The following JAKMIP2 variants were observed in gnomAD, a reference collection of about 807,000 sequenced individuals.
JAKMIP2 encodes the protein janus kinase and microtubule interacting protein 2.
In JAKMIP2, 25 loss-of-function variants were observed where a neutral mutation model predicts 115.0. That is an observed-to-expected ratio of 0.22 (90% confidence interval 0.16 to 0.30). The LOEUF is 0.30. Among genes scored for constraint, JAKMIP2 ranks in the 10% least tolerant of loss-of-function variants. The pLI, the probability that JAKMIP2 is intolerant of heterozygous loss-of-function variation, is 1.00. For missense variants in JAKMIP2, 642 were observed against 957.6 expected (o/e 0.67, Z 4.35); for synonymous variants, 334 against 343.6 (o/e 0.97, Z 0.31).
intron 1 of JAKMIP2, among the ~76,000 whole-genome samples, chr5:147,777,506 A>C (rs569221843): frequency 6.6e-6 from 1 of 152,294 alleles, no homozygotes; most frequent in African/African-American, 2.4e-5. Flanking sequence ...TCTAAAAGGA[A>C]ATATTCCAAA....
intron 12 of JAKMIP2, 128 bp from the exon 13 acceptor site, chr5:147,632,906 A>C: frequency 1.7e-6 from 1 of 605,330 alleles, no homozygotes; most frequent in Non-Finnish European, 2.9e-6. Context: ...CCCCAAATAG[A>C]TGTGAATAAA....
At chr5:147,662,057 TG>T (rs1299615031) in intron 2 of JAKMIP2, 2 of 151,286 alleles carry the variant, frequency 1.3e-5, no homozygotes, top group African/African-American at 2.4e-5. Context: ...TTTTTTTTTT[TG>T]AAGAGATGCT....
intron 1 of JAKMIP2, among the ~76,000 whole-genome samples, chr5:147,728,094 G>C (rs569590485): frequency 7.9e-5 from 12 of 152,218 alleles, no homozygotes; most frequent in Non-Finnish European, 1.8e-4. Context: ...CTTTTTAGGG[G>C]TATCAGAAAT....
chr5:147,610,939 G>C (rs1323362302), intron 20 of JAKMIP2, among the ~76,000 whole-genome samples: 2 of 152,196 alleles, frequency 1.3e-5, no homozygotes, highest in East Asian at 3.9e-4. Context: ...GCCCTGTGGT[G>C]GGCTCCACCT....
intron 1 of JAKMIP2, among the ~76,000 whole-genome samples, chr5:147,779,883 C>T (rs1225606920): frequency 6.6e-6 from 1 of 152,058 alleles, no homozygotes; most frequent in East Asian, 1.9e-4. Flanking sequence ...GAATTCATTG[C>T]TTTATCTGAT....
intron 5 of JAKMIP2, among the ~76,000 whole-genome samples, chr5:147,647,020 A>G (rs1758167170): frequency 6.6e-6 from 1 of 152,088 alleles, no homozygotes; most frequent in South Asian, 2.1e-4. Context: ...CTTCAATCAA[A>G]CTGCAACTAA....
intron 1 of JAKMIP2, among the ~76,000 whole-genome samples, chr5:147,754,540 G>T (rs148858474): frequency 6.6e-6 from 1 of 152,230 alleles, no homozygotes; most frequent in East Asian, 1.9e-4. Flanking sequence ...CAGAGGAAAG[G>T]TTACAACTCA....
intron 3 of JAKMIP2, among the ~76,000 whole-genome samples, chr5:147,659,032 C>G (rs924739206): frequency 2.0e-5 from 3 of 151,862 alleles, no homozygotes; most frequent in Non-Finnish European, 2.9e-5. Context: ...GCTTCAGCCC[C>G]CTTTCCAGGA....
chr5:147,688,685 C>T (rs1288656897), intron 1 of JAKMIP2, among the ~76,000 whole-genome samples: 1 of 152,162 alleles, frequency 6.6e-6, no homozygotes, highest in Non-Finnish European at 1.5e-5. Flanking sequence ...CTCTCAACCG[C>T]ATCACTATAG....
At chr5:147,709,105 A>T (rs1561551263) in intron 1 of JAKMIP2, among the ~76,000 whole-genome samples, 1 of 152,236 alleles carries the variant, frequency 6.6e-6, no homozygotes, top group Non-Finnish European at 1.5e-5. Flanking sequence ...AACTGTGGTA[A>T]TAAATTTTAC....
At chr5:147,641,600 C>T in intron 8 of JAKMIP2, 108 bp downstream of exon 8, 2 of 711,594 alleles carry the variant, frequency 2.8e-6, no homozygotes, top group Non-Finnish European at 2.4e-6. Flanking sequence ...TTTGCTGCAA[C>T]AGTTCTGGAA....
intron 18 of JAKMIP2, among the ~76,000 whole-genome samples, chr5:147,619,088 C>G (rs1038113288): frequency 6.6e-6 from 1 of 151,954 alleles, no homozygotes; most frequent in Non-Finnish European, 1.5e-5. Context: ...CTTTTTCTTT[C>G]TTTTTTTGAT....
intron 12 of JAKMIP2, among the ~76,000 whole-genome samples, 188 bp downstream of exon 12, chr5:147,636,034 A>G (rs370056403): frequency 6.6e-6 from 1 of 152,200 alleles, no homozygotes. Context: ...AGCCATGCAC[A>G]CGTGCCACTT....
chr5:147,620,181 A>C (rs1336727501), intron 18 of JAKMIP2, among the ~76,000 whole-genome samples: 4 of 152,026 alleles, frequency 2.6e-5, no homozygotes, highest in Admixed American at 6.6e-5. Context: ...TGAAGCCTTG[A>C]CCTCCCAGGC....
chr5:147,613,636 C>T (rs1756435419), intron 19 of JAKMIP2, among the ~76,000 whole-genome samples: 1 of 152,162 alleles, frequency 6.6e-6, no homozygotes, highest in Non-Finnish European at 1.5e-5. Flanking sequence ...TGTACTGTCA[C>T]AACTGGGAGT....
intron 1 of JAKMIP2, among the ~76,000 whole-genome samples, chr5:147,697,546 G>T (rs1752153316): frequency 6.6e-6 from 1 of 152,164 alleles, no homozygotes; most frequent in South Asian, 2.1e-4. Context: ...AGGCCTAGAA[G>T]GAAAAAATGG....
chr5:147,718,140 A>G (rs1322677488), intron 1 of JAKMIP2, among the ~76,000 whole-genome samples: 3 of 150,312 alleles, frequency 2.0e-5, no homozygotes, highest in African/African-American at 4.9e-5. Flanking sequence ...TTTATATGCT[A>G]GATTACATTT....
chr5:147,648,104 TC>T (rs1188570460), intron 5 of JAKMIP2, among the ~76,000 whole-genome samples: 1 of 152,270 alleles, frequency 6.6e-6, no homozygotes, highest in East Asian at 1.9e-4. Context: ...GTGATAGACA[TC>T]TATGGCGATT....
At chr5:147,768,874 ATTG>A (rs1755246659) in intron 1 of JAKMIP2, among the ~76,000 whole-genome samples, 1 of 152,048 alleles carries the variant, frequency 6.6e-6, no homozygotes, top group Non-Finnish European at 1.5e-5. Context: ...GTAATGTTTT[ATTG>A]TTAACTTTTT....
Sources: gnomAD v4.1 joint callset for allele counts (sites outside exome capture counted in the v4.1 genomes callset) on GRCh38, gnomAD v4.1.1 for gene constraint, MANE v1.5 for transcripts, NCBI Gene and HGNC (gene_info 2026-07-23, HGNC 2026-07-21) for gene names.